Variants in ADTRP observed in about 807,000 individuals in gnomAD.
ADTRP encodes androgen dependent TFPI regulating protein, also known as androgen-dependent TFPI-regulating protein.
A neutral mutation model predicts 27.0 loss-of-function variants in ADTRP; 20 were observed. That is an observed-to-expected ratio of 0.74 (90% CI 0.52 to 1.08). The LOEUF is 1.08. ADTRP is among the 50% of genes least tolerant of loss of function. The pLI, the probability that ADTRP is intolerant of heterozygous loss-of-function variation, is 0.00. For synonymous variants in ADTRP, 101 were observed against 105.2 expected, an observed-to-expected ratio of 0.96 and a Z score of 0.25; for missense variants, 251 against 275.0, an observed-to-expected ratio of 0.91 and a Z score of 0.62.
chr6:11,754,887 G>T (rs138227417), intron 3 of ADTRP: 5 of 269,180 alleles, frequency 1.9e-5, no homozygotes, highest in Non-Finnish European at 2.8e-5. Flanking sequence ...CAGAGAAGGC[G>T]CTCTCATCCG....
At chr6:11,739,402 T>A (rs1306555863) in intron 3 of ADTRP, among the ~76,000 whole-genome samples, 1 of 152,196 alleles carries the variant, frequency 6.6e-6, no homozygotes, top group Non-Finnish European at 1.5e-5. Context: ...AATGCAACGG[T>A]TATAAAGAGA....
intron 5 of ADTRP, among the ~76,000 whole-genome samples, chr6:11,722,976 G>A (rs1242639081): frequency 6.6e-6 from 1 of 152,224 alleles, no homozygotes; most frequent in Non-Finnish European, 1.5e-5. Flanking sequence ...TTCAAAGCTT[G>A]TGTCCCTGGA....
At chr6:11,755,514 G>C (rs1002559542) in intron 3 of ADTRP, among the ~76,000 whole-genome samples, 16 of 152,212 alleles carry the variant, frequency 1.1e-4, no homozygotes, top group Non-Finnish European at 2.2e-4. Flanking sequence ...TCCTCTGGAC[G>C]TGTTCACTAT....
intron 3 of ADTRP, among the ~76,000 whole-genome samples, chr6:11,753,504 T>C (rs1763118450): frequency 6.6e-6 from 1 of 152,230 alleles, no homozygotes; most frequent in South Asian, 2.1e-4. Flanking sequence ...AGTGCCTTTT[T>C]TTGCCACACT....
At chr6:11,735,969 G>A (rs75743169) in intron 3 of ADTRP, 17,029 of 276,990 alleles carry the variant, frequency 0.061, 1,671 homozygotes, top group East Asian at 0.46. Context: ...TGGCGGGGGT[G>A]GGGGGTGGAG....
intron 1 of ADTRP, among the ~76,000 whole-genome samples, chr6:11,773,722 A>C (rs1445311701): frequency 6.6e-6 from 1 of 152,188 alleles, no homozygotes; most frequent in African/African-American, 2.4e-5. Context: ...ACTGCACATG[A>C]GAAAACTGAA....
chr6:11,723,119 G>T (rs1381606632), intron 5 of ADTRP, among the ~76,000 whole-genome samples: 2 of 152,166 alleles, frequency 1.3e-5, no homozygotes, highest in African/African-American at 4.8e-5. Flanking sequence ...CACATTGTTT[G>T]GGGGAGGAGG....
At chr6:11,775,858 C>T (rs1220373387) in intron 1 of ADTRP, among the ~76,000 whole-genome samples, 1 of 152,208 alleles carries the variant, frequency 6.6e-6, no homozygotes, top group African/African-American at 2.4e-5. Context: ...GAAATTCAAG[C>T]TGTTTACGAG....
intron 4 of ADTRP, 81 bp downstream of exon 4, chr6:11,735,487 A>G (rs1561750373): frequency 2.2e-5 from 21 of 958,220 alleles, no homozygotes; most frequent in Non-Finnish European, 2.3e-5. Flanking sequence ...AGGGATTCTG[A>G]CAGAACAGTA....
At chr6:11,765,890 T>A (rs1763556202) in intron 3 of ADTRP, among the ~76,000 whole-genome samples, 1 of 152,106 alleles carries the variant, frequency 6.6e-6, no homozygotes, top group Admixed American at 6.6e-5. Flanking sequence ...GCTGCTCAGC[T>A]ATGAGATATT....
At chr6:11,767,453 A>G (rs1176427479) in intron 2 of ADTRP, among the ~76,000 whole-genome samples, 1 of 152,236 alleles carries the variant, frequency 6.6e-6, no homozygotes, top group Non-Finnish European at 1.5e-5. Context: ...AGAACTCACT[A>G]GGGCTTGGAG....
chr6:11,765,305 G>T (rs1031672035), intron 3 of ADTRP, among the ~76,000 whole-genome samples: 4 of 147,040 alleles, frequency 2.7e-5, no homozygotes, highest in Non-Finnish European at 6.0e-5. Context: ...CCACTTCCTT[G>T]TGCCTTTCCC....
chr6:11,723,863 A>G (rs1322005210), intron 4 of ADTRP, among the ~76,000 whole-genome samples: 1 of 152,108 alleles, frequency 6.6e-6, no homozygotes, highest in Non-Finnish European at 1.5e-5. Flanking sequence ...GTTCGAGAGC[A>G]GCCTGGCCAA....
intron 3 of ADTRP, among the ~76,000 whole-genome samples, chr6:11,751,372 T>C (rs899726339): frequency 6.6e-6 from 1 of 152,182 alleles, no homozygotes; most frequent in Non-Finnish European, 1.5e-5. Context: ...CCCATTAATA[T>C]TTTTTTCTAG....
At chr6:11,726,044 T>G (rs1762184735) in intron 4 of ADTRP, among the ~76,000 whole-genome samples, 1 of 152,172 alleles carries the variant, frequency 6.6e-6, no homozygotes, top group African/African-American at 2.4e-5. Context: ...AAAATGTGGC[T>G]TATACATAGG....
intron 4 of ADTRP, among the ~76,000 whole-genome samples, chr6:11,730,277 G>GA (rs1255871128): frequency 6.6e-6 from 1 of 152,130 alleles, no homozygotes; most frequent in East Asian, 1.9e-4. Flanking sequence ...TTCTTCTGTG[G>GA]AAAATGGTGC....
intron 3 of ADTRP, among the ~76,000 whole-genome samples, chr6:11,739,677 T>C (rs1428335110): frequency 6.6e-6 from 1 of 152,236 alleles, no homozygotes; most frequent in Non-Finnish European, 1.5e-5. Context: ...TGAGCACTTG[T>C]TTGTACTCAC....
At chr6:11,777,770 C>T (rs1448309279) in intron 1 of ADTRP, among the ~76,000 whole-genome samples, 1 of 152,196 alleles carries the variant, frequency 6.6e-6, no homozygotes, top group Admixed American at 6.5e-5. Context: ...TGACCACATA[C>T]ATTCTCCGCT....
At chr6:11,767,854 A>T (rs1207655570) in intron 2 of ADTRP, 1 of 165,208 alleles carries the variant, frequency 6.1e-6, no homozygotes, top group Non-Finnish European at 1.3e-5. Flanking sequence ...GAAGTAACAT[A>T]TACTTATCGT....
Sources: allele counts gnomAD v4.1 joint callset (sites outside exome capture counted in the v4.1 genomes callset), GRCh38; gene constraint gnomAD v4.1.1; transcripts MANE v1.5; gene names NCBI Gene and HGNC (gene_info 2026-07-23, HGNC 2026-07-21).